PDZD2: variants seen among roughly 807,000 people sequenced by gnomAD.
The protein encoded by PDZD2 is PDZ domain containing 2.
In PDZD2, 90 loss-of-function variants were observed where a neutral mutation model predicts 220.7. The ratio of observed to expected loss-of-function variants is 0.41; its 90% CI spans 0.34 to 0.49. The LOEUF (loss-of-function observed/expected upper bound fraction) is 0.49. Ranked by LOEUF, PDZD2 falls within the 20% of genes least tolerant of loss-of-function variation. The pLI is 0.28. For synonymous variants in PDZD2, 1,375 were observed against 1,450.5 expected (o/e 0.95, Z 1.18); for missense variants, 3,174 against 3,608.5 (o/e 0.88, Z 3.08).
chr5:31,667,058 A>G (rs556245084), intron 1 of PDZD2, among the ~76,000 whole-genome samples: 2 of 152,022 alleles, frequency 1.3e-5, no homozygotes, highest in South Asian at 4.2e-4. Flanking sequence ...AACACGGTGA[A>G]ACCCCGTCTC....
intron 1 of PDZD2, among the ~76,000 whole-genome samples, chr5:31,672,749 G>T (rs758116125): frequency 2.6e-5 from 4 of 152,180 alleles, no homozygotes; most frequent in Non-Finnish European, 5.9e-5. Context: ...ATTCTAGGAG[G>T]TTTAGAGGAA....
intron 1 of PDZD2, among the ~76,000 whole-genome samples, chr5:31,780,180 C>A (rs80050542): frequency 1.3e-5 from 2 of 151,878 alleles, no homozygotes; most frequent in East Asian, 1.9e-4. Context: ...ACCCTTGGAG[C>A]CTGGGGACGA....
chr5:31,949,245 A>C (rs1049495105), intron 2 of PDZD2, among the ~76,000 whole-genome samples: 7 of 151,992 alleles, frequency 4.6e-5, no homozygotes, highest in African/African-American at 1.7e-4. Context: ...TTCACGTGCA[A>C]CCAACGTTAG....
chr5:31,641,555 T>G (rs576770033), intron 1 of PDZD2, among the ~76,000 whole-genome samples: 2 of 151,948 alleles, frequency 1.3e-5, no homozygotes, highest in African/African-American at 4.8e-5. Context: ...ATATTTTTTT[T>G]TTTTGAGACT....
intron 2 of PDZD2, among the ~76,000 whole-genome samples, chr5:31,875,750 AGT>A (rs1189887772): frequency 6.6e-6 from 1 of 151,144 alleles, no homozygotes; most frequent in Non-Finnish European, 1.5e-5. Context: ...AATCCAGTGC[AGT>A]GATTAACATG....
chr5:31,864,453 A>G (rs2150315618), intron 2 of PDZD2, among the ~76,000 whole-genome samples: 1 of 151,772 alleles, frequency 6.6e-6, no homozygotes, highest in Middle Eastern at 3.5e-3. Context: ...TTTCTCATAT[A>G]TAATCTTAAT....
chr5:31,923,272 AATAG>A (rs1372004058), intron 2 of PDZD2: 2 of 542,318 alleles, frequency 3.7e-6, no homozygotes, highest in Non-Finnish European at 6.7e-6. Flanking sequence ...TCAATAAATA[AATAG>A]ATAAGTAAAA....
chr5:31,917,716 C>A (rs1479349140), intron 2 of PDZD2, among the ~76,000 whole-genome samples: 1 of 152,082 alleles, frequency 6.6e-6, no homozygotes, highest in Admixed American at 6.6e-5. Flanking sequence ...GCCCACAGTT[C>A]TGCAGGCTGT....
At chr5:32,093,270 A>G (rs1046672675) in intron 21 of PDZD2, among the ~76,000 whole-genome samples, 8 of 152,170 alleles carry the variant, frequency 5.3e-5, no homozygotes, top group Non-Finnish European at 1.0e-4. Context: ...TCATCCCCCA[A>G]GTAGCAACTA....
chr5:32,101,365 A>T lies in PDZD2; in HGVS notation c.8353+126A>T. 4.5e-6 allele frequency: 4 copies of T among 892,928 alleles called. No individual in the cohort carries two copies. In the East Asian group the frequency reaches 1.1e-4, roughly 24 times the overall value. 55.3% of individuals were successfully genotyped at this position (892,928 alleles called of 1,614,324 possible). ...AACTGTTTTTAATGCTTTGTGACAT[A>T]CAAGGTTTATTCTGTATGGACATGT... On this transcript the variant is annotated intron_variant, in intron 24 of 24. Transcript: ENST00000438447.
At chr5:31,982,770 TGGAACTATATGGATG>T (rs895659158) in intron 2 of PDZD2, among the ~76,000 whole-genome samples, 9 of 152,358 alleles carry the variant, frequency 5.9e-5, no homozygotes, top group African/African-American at 2.2e-4. Flanking sequence ...TTTATTCCAT[TGGAACTATATGGATG>T]GGAGCCTAGC....
intron 3 of PDZD2, among the ~76,000 whole-genome samples, chr5:31,985,249 G>T (rs536539087): frequency 6.6e-6 from 1 of 152,272 alleles, no homozygotes; most frequent in African/African-American, 2.4e-5. Context: ...TGCATACACA[G>T]AAAGCCTAAT....
Position 32,089,489 on chromosome 5 carries a change from C to A in PDZD2, c.6041C>A (p.Pro2014Gln). Reference protein sequence around the residue: ...AVLSEPDRGCPTTPKSPKCRA... With the variant: ...AVLSEPDRGCQTTPKSPKCRA... ...CTCTCTGAACCCGACAGAGGTTGCC[C>A]AACCACCCCTAAATCTCCTAAGTGT... Residue 2014 changes from proline (P) to glutamine (Q), a missense_variant, in exon 20 of 25, where the codon CCA becomes CAA. By Grantham distance (76) the Pro-to-Gln change is moderately conservative. Coordinates refer to ENST00000438447, the MANE Select transcript of PDZD2 (RefSeq NM_178140.4). 6.2e-7 allele frequency: 1 copy of A among 1,613,400 alleles called. No individual in the cohort carries two copies. The highest frequency in any genetic ancestry group is 8.5e-7 in the Non-Finnish European group (1 of 1,180,028).
chr5:31,943,136 G>T (rs890999019), intron 2 of PDZD2, among the ~76,000 whole-genome samples: 14 of 151,798 alleles, frequency 9.2e-5, no homozygotes, highest in African/African-American at 3.4e-4. Context: ...ATGGGAGGCG[G>T]TGGTTGCAGT....
In PDZD2 at chr5:31,793,081, G is replaced by A. The variant is rs150007234; in HGVS notation, c.-360-5808G>A. On this transcript the variant is annotated intron_variant, in intron 1 of 24. Coordinates refer to ENST00000438447, the MANE Select transcript of PDZD2 (RefSeq NM_178140.4). Reference sequence around the variant, plus strand: ...TCGAACTCCTGACCTCAGGTGATCCGCCCACCTTGGCCTCCCAAAGTGCTG... The same window carrying A: ...TCGAACTCCTGACCTCAGGTGATCCACCCACCTTGGCCTCCCAAAGTGCTG... 2.6e-3 allele frequency among the ~76,000 whole-genome samples: 400 copies of A among 152,026 alleles called. 2 individuals carry two copies. Among genetic ancestry groups the A allele is most frequent in the African/African-American group, 8.6e-3 (355 of 41,504 alleles).
chr5:32,108,182 T>G lies in PDZD2; in HGVS notation c.*47T>G. On this transcript the variant is annotated 3_prime_UTR_variant, in exon 25 of 25. Coordinates refer to ENST00000438447, the MANE Select transcript of PDZD2 (RefSeq NM_178140.4). ...TCAGTTCTCTTCTTTCTTTAGCAAA[T>G]CAGAGTGACTTCTTTAAACCACAGG... is the stretch of plus-strand genomic sequence containing the variant. 7.4e-7 allele frequency: 1 copy of G among 1,354,858 alleles called. No individual in the cohort carries two copies. The highest frequency in any genetic ancestry group is 1.0e-6 in the Non-Finnish European group (1 of 967,410). The allele number at this position is 1,354,858 out of a possible 1,614,324, so 83.9% of individuals were successfully genotyped here.
chr5:31,849,880 A>G (rs1339303108), intron 2 of PDZD2, among the ~76,000 whole-genome samples: 1 of 43,578 alleles, frequency 2.3e-5, no homozygotes. Flanking sequence ...ACATATATAT[A>G]TATATATACA....
At chr5:31,982,111 T>A (rs1171523127) in intron 2 of PDZD2, among the ~76,000 whole-genome samples, 2 of 152,208 alleles carry the variant, frequency 1.3e-5, no homozygotes, top group Non-Finnish European at 2.9e-5. Flanking sequence ...TCCAACAGCC[T>A]TTTGTCCTGG....
chr5:32,028,931 C>T (rs892892886), intron 6 of PDZD2, among the ~76,000 whole-genome samples: 7 of 152,152 alleles, frequency 4.6e-5, no homozygotes, highest in African/African-American at 9.7e-5. Flanking sequence ...GATCCGCCTG[C>T]CTTGGCCTCC....
Sources: gnomAD v4.1 joint callset for allele counts (sites outside exome capture counted in the v4.1 genomes callset) on GRCh38, gnomAD v4.1.1 for gene constraint, MANE v1.5 for transcripts, NCBI Gene and HGNC (gene_info 2026-07-23, HGNC 2026-07-21) for gene names.